The following FAM83C variants were observed in gnomAD, a reference collection of about 807,000 sequenced individuals.
The protein encoded by FAM83C is scaffolding CK1 anchoring protein C, also known as protein FAM83C.
FAM83C carries 23 observed loss-of-function variants against 27.1 expected under a neutral mutation model. The ratio of observed to expected loss-of-function variants is 0.85; its 90% CI spans 0.61 to 1.20. FAM83C has a LOEUF of 1.20. FAM83C is among the 50% of genes most tolerant of loss of function. FAM83C has a pLI of 0.00. For missense variants in FAM83C, 984 were observed against 1,001.3 expected, an observed-to-expected ratio of 0.98 and a Z score of 0.23; for synonymous variants, 426 against 423.1, an observed-to-expected ratio of 1.01 and a Z score of -0.09.
intron 2 of FAM83C, 45 bp from the exon 3 acceptor site, chr20:35,288,630 A>G (rs781145190): frequency 1.9e-6 from 3 of 1,607,854 alleles, no homozygotes; most frequent in Non-Finnish European, 2.6e-6. Flanking sequence ...AGTGAGGCTC[A>G]AGCCATGTCT....
chr20:35,286,607 G>A lies in FAM83C; in HGVS notation c.2172C>T (p.His724=), dbSNP rs2060826222. Residue 724 remains histidine, a synonymous_variant, in exon 4 of 4, where the codon CAC becomes CAT. Coordinates refer to ENST00000374408, the MANE Select transcript of FAM83C (RefSeq NM_178468.6). Reference sequence around the variant, plus strand: ...ACTTAGTGATGAGGTCCAGTTTGCTGTGACCCAGGGTCAGCCGTTTCTCAT... The same window carrying A: ...ACTTAGTGATGAGGTCCAGTTTGCTATGACCCAGGGTCAGCCGTTTCTCAT... ...VRDEKRLTLG[H]SKLDLITKYN... 6.2e-7 allele frequency: 1 copy of A among 1,614,188 alleles called. No homozygotes were observed. The highest frequency in any genetic ancestry group is 2.2e-5 in the East Asian group (1 of 44,872).
At position 35,287,941 on chromosome 20, in the gene FAM83C, T is replaced by C; in HGVS notation, c.838A>G (p.Ser280Gly). 6.4e-7 allele frequency: 1 copy of C among 1,558,798 alleles called. No individual in the cohort carries two copies. The highest frequency in any genetic ancestry group is 1.2e-5 in the South Asian group (1 of 84,662). ...CGGCCCCTCAGCTGCAGCACCATGC[T>C]AGTGTGGGCCTGGCTGCAAAGCCAG... is the stretch of plus-strand genomic sequence containing the variant. Reference protein sequence around the residue: ...FTWLCSQAHTSMVLQLRGRIV... With the variant: ...FTWLCSQAHTGMVLQLRGRIV... The change falls in exon 4 of 4, where the codon AGC (serine) becomes GGC (glycine). Residue 280 changes from serine (S) to glycine (G), a missense_variant. Coordinates refer to ENST00000374408, the MANE Select transcript of FAM83C (RefSeq NM_178468.6).
chr20:35,286,372 T>A lies in FAM83C; in HGVS notation c.*163A>T. 1.6e-6 allele frequency: 1 copy of A among 606,902 alleles called. No individual in the cohort carries two copies. Among genetic ancestry groups the A allele is most frequent in the East Asian group, 2.8e-5 (1 of 35,662 alleles). The allele number at this position is 606,902 out of a possible 1,614,324, so 37.6% of individuals were successfully genotyped here. The stretch of plus-strand genomic sequence containing the variant: ...TAGTTAGGGTGTGTGTGTGTGTGTG[T>A]GTGTGTGTGTGTGTACACAAGAATC... On this transcript the variant is annotated 3_prime_UTR_variant, in exon 4 of 4. Transcript: ENST00000374408.
At position 35,289,436 on chromosome 20, in the gene FAM83C, G is replaced by A. The variant is rs373044217; in HGVS notation, c.514-478C>T. ...GCTCACTGCAACCTCTGCCTTCTGGGTTCAAGCGATTCTCGTGTCTCAGCC... is the reference window on the plus strand; with the variant it reads ...GCTCACTGCAACCTCTGCCTTCTGGATTCAAGCGATTCTCGTGTCTCAGCC... On this transcript the variant is annotated intron_variant, in intron 1 of 3. Coordinates refer to ENST00000374408, the MANE Select transcript of FAM83C (RefSeq NM_178468.6). Among the ~76,000 whole-genome samples, 44 of 152,138 alleles carry A rather than the reference G, an allele frequency of 2.9e-4. No homozygotes were observed. The East Asian group carries it at 4.1e-3, about 14-fold the overall frequency.
At chr20:35,289,119 G>A (rs1389534980) in intron 1 of FAM83C, among the ~76,000 whole-genome samples, 161 bp from the exon 2 acceptor site, 1 of 152,218 alleles carries the variant, frequency 6.6e-6, no homozygotes, top group Non-Finnish European at 1.5e-5. Context: ...GCACTTAGCA[G>A]TGACCTAGCC....
rs772376540 is a variant in FAM83C, at chr20:35,286,787, T to C, written c.1992A>G (p.Gly664=). The change falls in exon 4 of 4, where the codon GGA becomes GGG. Residue 664 remains glycine, a synonymous_variant. Coordinates refer to ENST00000374408, the MANE Select transcript of FAM83C (RefSeq NM_178468.6). ...LPISSPARTA[G]AGSGDEKRLT... is the part of the protein sequence containing the mutation. Reference sequence around the variant, plus strand: ...GCCGTTTCTCATCCCCAGACCCAGCTCCAGCCGTGCGAGCAGGGCTTGATA... The same window carrying C: ...GCCGTTTCTCATCCCCAGACCCAGCCCCAGCCGTGCGAGCAGGGCTTGATA... 34 of 1,613,690 alleles carry C rather than the reference T, an allele frequency of 2.1e-5. No individual in the cohort carries two copies. The highest frequency in any genetic ancestry group is 2.7e-5 in the Non-Finnish European group (32 of 1,179,966).
Position 35,291,952 on chromosome 20 carries a change from G to A in FAM83C, c.353C>T (p.Pro118Leu). 6.2e-7 allele frequency: 1 copy of A among 1,610,832 alleles called. No homozygotes were observed. Among genetic ancestry groups the A allele is most frequent in the Non-Finnish European group, 8.5e-7 (1 of 1,177,352 alleles). The change falls in exon 1 of 4, where the codon CCC becomes CTC. Residue 118 changes from proline to leucine, a missense_variant. Physicochemically the swap from Pro to Leu is moderately conservative, Grantham distance 98. Transcript: ENST00000374408. ...LSEVTSGTYFPMASDIDPPDL... is the reference protein window; with the variant it reads ...LSEVTSGTYFLMASDIDPPDL... ...TGGGGGGTCTATGTCAGAGGCCATG[G>A]GGAAGTAAGTCCCTGAGGTGACTTC...
chr20:35,287,660 A>T lies in FAM83C; in HGVS notation c.1119T>A (p.Asp373Glu). ...LALPGGGDCS[D>E]TGVVSSSLGP... is the part of the protein sequence containing the mutation. ...CCAGGGACGAGGACACCACACCCGT[A>T]TCACTGCAATCACCACCTCCTGGTA... The change falls in exon 4 of 4, where the codon GAT (aspartate) becomes GAA (glutamate). Residue 373 changes from aspartate (D) to glutamate (E), a missense_variant. Transcript: ENST00000374408. 2 of 1,613,994 alleles carry T rather than the reference A, an allele frequency of 1.2e-6. No individual in the cohort carries two copies. Among genetic ancestry groups the T allele is most frequent in the Non-Finnish European group, 1.7e-6 (2 of 1,179,902 alleles).
chr20:35,289,496 A>G (rs1034595994), intron 1 of FAM83C, among the ~76,000 whole-genome samples: 4 of 151,024 alleles, frequency 2.6e-5, no homozygotes, highest in Non-Finnish European at 4.4e-5. Context: ...ATCCACCACC[A>G]TGCCCAGCTA....
intron 1 of FAM83C, among the ~76,000 whole-genome samples, chr20:35,289,828 C>T (rs1301626407): frequency 6.6e-6 from 1 of 152,146 alleles, no homozygotes; most frequent in Non-Finnish European, 1.5e-5. Context: ...TTCTGTGCAC[C>T]GAGTGTTTAT....
rs867400652 is a variant in FAM83C at position 35,287,410 on chromosome 20, G to C, written c.1369C>G (p.Arg457Gly). 3 of 1,613,980 alleles carry C rather than the reference G, an allele frequency of 1.9e-6. No homozygotes were observed. The highest frequency in any genetic ancestry group is 2.5e-6 in the Non-Finnish European group (3 of 1,179,998). Residue 457 changes from arginine to glycine, a missense_variant, in exon 4 of 4, where the codon CGG becomes GGG. Coordinates refer to ENST00000374408, the MANE Select transcript of FAM83C (RefSeq NM_178468.6). ...AACCGGGACAGAGCTGGGGCACCCC[G>C]ATGGAACTGGAGGAGGGGCCGGGAG... Reference protein sequence around the residue: ...PRSRPLLQFHRGAPALSRFPE... With the variant: ...PRSRPLLQFHGGAPALSRFPE...
chr20:35,288,533 C>T lies in FAM83C; in HGVS notation c.734G>A (p.Arg245His), dbSNP rs375092520. 5.6e-6 allele frequency: 9 copies of T among 1,614,108 alleles called. No individual in the cohort carries two copies. Among genetic ancestry groups the T allele is most frequent in the East Asian group, 4.5e-5 (2 of 44,900 alleles). Reference protein sequence around the residue: ...CGDTYCSKAGRRFTGQALEKF... With the variant: ...CGDTYCSKAGHRFTGQALEKF... ...CTCCAGGGCCTGCCCCGTGAAGCGG[C>T]GGCCAGCCTTGCTGCAGTATGTGTC... is the stretch of plus-strand genomic sequence containing the variant. Residue 245 changes from arginine to histidine, a missense_variant, in exon 3 of 4, where the codon CGC becomes CAC. Physicochemically the swap from Arg to His is conservative, Grantham distance 29. Transcript: ENST00000374408.
chr20:35,286,354 GGTGT>G lies in FAM83C; in HGVS notation c.*177_*180del, dbSNP rs768786300. 5,805 of 499,080 alleles carry G rather than the reference GGTGT, an allele frequency of 0.012. 11 individuals are homozygous for G. The highest frequency in any genetic ancestry group is 0.013 in the Non-Finnish European group (3,776 of 285,632). 30.9% of individuals were successfully genotyped at this position (499,080 alleles called of 1,614,324 possible). ...CTAGATTCAAGAAGATACTAGTTAG[GGTGT>G]GTGTGTGTGTGTGTGTGTGTGTGTG... On this transcript the variant is annotated 3_prime_UTR_variant, in exon 4 of 4. Coordinates refer to ENST00000374408, the MANE Select transcript of FAM83C (RefSeq NM_178468.6).
chr20:35,288,786 C>T lies in FAM83C; in HGVS notation c.681+5G>A, dbSNP rs775954391. 2 of 1,605,460 alleles carry T rather than the reference C, an allele frequency of 1.2e-6. No homozygotes were observed. The highest frequency in any genetic ancestry group is 1.3e-5 in the African/African-American group (1 of 74,816). Reference sequence around the variant, plus strand: ...CCCTGGTTACTGCCCCTGGTCCTCACTGACCGGCAGGTGCTCCCCATTGAG... The same window carrying T: ...CCCTGGTTACTGCCCCTGGTCCTCATTGACCGGCAGGTGCTCCCCATTGAG... On this transcript the variant is annotated splice_donor_5th_base_variant and intron_variant, in intron 2 of 3. Coordinates refer to ENST00000374408, the MANE Select transcript of FAM83C (RefSeq NM_178468.6).
rs781027964 is a variant in FAM83C at position 35,287,334 on chromosome 20, C to T, written c.1445G>A (p.Arg482Gln). The T allele has an allele frequency of 1.1e-5, 17 of 1,613,692 alleles. No homozygotes were observed. The highest frequency in any genetic ancestry group is 1.4e-5 in the Non-Finnish European group (16 of 1,180,020). The change falls in exon 4 of 4, where the codon CGA becomes CAA. Residue 482 changes from arginine to glutamine, a missense_variant. Coordinates refer to ENST00000374408, the MANE Select transcript of FAM83C (RefSeq NM_178468.6). ...CTCCAGGGTTGTGCCAGGTACCCAT[C>T]GACCCCGCAGGGGGCTGGGCTCTTG... ...GSQEPSPLRG[R>Q]WVPGTTLETV...
At chr20:35,291,685 C>T in intron 1 of FAM83C, 107 bp downstream of exon 1, 10 of 1,443,718 alleles carry the variant, frequency 6.9e-6, no homozygotes, top group Non-Finnish European at 9.5e-6. Context: ...AGGTGCTGGT[C>T]CTCATTCTGC....
rs1394541952 is a variant in FAM83C, at chr20:35,292,048, C to T, written c.257G>A (p.Arg86His). Residue 86 changes from arginine to histidine, a missense_variant, in exon 1 of 4, where the codon CGC becomes CAC. Transcript: ENST00000374408. ...AGCCTCGCTGAGCTCAGGGCCCCCG[C>T]GCACATGGCTGGTCATGTAGTCCAC... The part of the protein sequence containing the change: ...LDVDYMTSHV[R>H]GGPELSEAQG... The T allele has an allele frequency of 5.6e-6, 9 of 1,612,484 alleles. No homozygotes were observed. Among genetic ancestry groups the T allele is most frequent in the South Asian group, 1.1e-5 (1 of 91,084 alleles).
In FAM83C at chr20:35,286,706, C is replaced by G. The variant is rs368274832; in HGVS notation, c.2073G>C (p.Gly691=). ...DLITKYHQLH[G]ARQGTEPGGP... ...CCCCAGGCTCAGTTCCCTGCCTGGC[C>G]CCGTGCAACTGATGATACTTGGTGA... is the stretch of plus-strand genomic sequence containing the variant. Residue 691 remains glycine (G), a synonymous_variant, in exon 4 of 4, where the codon GGG becomes GGC. Transcript: ENST00000374408. 103 of 1,613,960 alleles carry G rather than the reference C, an allele frequency of 6.4e-5. No individual in the cohort carries two copies. The highest frequency in any genetic ancestry group is 8.3e-5 in the Non-Finnish European group (98 of 1,179,990).
At position 35,286,950 on chromosome 20, in the gene FAM83C, A is replaced by C. The variant is rs1233875167; in HGVS notation, c.1829T>G (p.Leu610Arg). The change falls in exon 4 of 4, where the codon CTT becomes CGT. Residue 610 changes from leucine (L) to arginine (R), a missense_variant. Coordinates refer to ENST00000374408, the MANE Select transcript of FAM83C (RefSeq NM_178468.6). ...YPKAQGSRVP[L>R]ETNSSARPAR... ...AGGTCTGGCTGAGGAGTTGGTTTCA[A>C]GGGGCACTCTGGAACCCTGGGCCTT... The C allele has an allele frequency of 6.2e-7, 1 of 1,613,700 alleles. No homozygotes were observed. The highest frequency in any genetic ancestry group is 8.5e-7 in the Non-Finnish European group (1 of 1,180,034).
Sources: gnomAD v4.1 joint callset for allele counts (sites outside exome capture counted in the v4.1 genomes callset) on GRCh38, gnomAD v4.1.1 for gene constraint, MANE v1.5 for transcripts, NCBI Gene and HGNC (gene_info 2026-07-23, HGNC 2026-07-21) for gene names.